KLF8: variants seen among roughly 807,000 people sequenced by gnomAD.
The protein encoded by KLF8 is Krueppel-like factor 8.
KLF8 carries 10 observed loss-of-function variants against 18.2 expected under a neutral mutation model. The ratio of observed to expected loss-of-function variants is 0.55; its 90% confidence interval spans 0.34 to 0.93. KLF8 has a LOEUF of 0.93. KLF8 is among the 40% of genes least tolerant of loss of function. KLF8 has a pLI of 0.02. For missense variants in KLF8, 264 were observed against 277.9 expected (o/e 0.95, Z 0.36); for synonymous variants, 109 against 97.3 (o/e 1.12, Z -0.71).
the KLF8 span, among the ~76,000 whole-genome samples, chrX:55,947,582 A>G: frequency 5.4e-5 from 6 of 110,120 alleles, no homozygotes; most frequent in African/African-American, 2.0e-4. Context: ...GCACATGCAT[A>G]CATATGTAAC....
the KLF8 span, among the ~76,000 whole-genome samples, chrX:56,155,070 A>G: frequency 2.7e-5 from 3 of 111,920 alleles, no homozygotes; most frequent in Non-Finnish European, 5.6e-5. Flanking sequence ...ATCTAGAACT[A>G]GAAATACCAT....
At chrX:56,122,329 A>G in the KLF8 span, among the ~76,000 whole-genome samples, 4 of 112,154 alleles carry the variant, frequency 3.6e-5, no homozygotes, top group Admixed American at 9.5e-5. Flanking sequence ...TCAGCTGAGT[A>G]TCTTTGGATG....
chrX:55,908,138 A>G, the KLF8 span: 1 of 141,169 alleles, frequency 7.1e-6, no homozygotes, highest in Non-Finnish European at 1.4e-5. Context: ...TACCGGAAAC[A>G]AAGTAATGAA....
the KLF8 span, among the ~76,000 whole-genome samples, chrX:56,176,972 C>T: frequency 9.0e-6 from 1 of 111,513 alleles, no homozygotes; most frequent in African/African-American, 3.3e-5. Flanking sequence ...TTAAGGACTT[C>T]TCTGCATTGG....
chrX:56,087,378 A>T, the KLF8 span, among the ~76,000 whole-genome samples: 2 of 110,519 alleles, frequency 1.8e-5, no homozygotes, highest in Non-Finnish European at 3.8e-5. Flanking sequence ...TGCTTTTCTC[A>T]TAATAGTGAG....
At chrX:56,081,044 A>G in the KLF8 span, among the ~76,000 whole-genome samples, 1 of 110,539 alleles carries the variant, frequency 9.0e-6, no homozygotes, top group Admixed American at 9.7e-5. Context: ...CTAGTTATAC[A>G]TTCTTCTAAA....
chrX:56,072,553 A>C, the KLF8 span, among the ~76,000 whole-genome samples: 1 of 111,498 alleles, frequency 9.0e-6, no homozygotes, highest in Admixed American at 9.5e-5. Context: ...TATCTCTACT[A>C]TCTTGGGCGA....
chrX:55,939,786 T>G, the KLF8 span, among the ~76,000 whole-genome samples: 1 of 111,831 alleles, frequency 8.9e-6, no homozygotes, highest in African/African-American at 3.3e-5. Flanking sequence ...AAGAAATGGA[T>G]AAATTCCTCG....
At chrX:56,070,664 TG>T in the KLF8 span, among the ~76,000 whole-genome samples, 1 of 109,701 alleles carries the variant, frequency 9.1e-6, no homozygotes, top group Non-Finnish European at 1.9e-5. Context: ...GCCTGTTGAG[TG>T]GGGGCAAGGG....
the KLF8 span, chrX:55,961,207 C>T: frequency 3.2e-5 from 9 of 284,658 alleles, no homozygotes; most frequent in East Asian, 8.4e-5. Flanking sequence ...TACTGTCCAG[C>T]GTGGCCCTGC....
At chrX:56,034,748 C>CTTTTTTTTTTTTTTTTTTTT in the KLF8 span, among the ~76,000 whole-genome samples, 1 of 53,819 alleles carries the variant, frequency 1.9e-5, no homozygotes, top group African/African-American at 7.3e-5. Flanking sequence ...GAACTTATTT[C>CTTTTTTTTTTTTTTTTTTTT]TTTTTTTTTT....
At chrX:55,932,274 G>A in the KLF8 span, among the ~76,000 whole-genome samples, 1 of 110,064 alleles carries the variant, frequency 9.1e-6, no homozygotes, top group Non-Finnish European at 1.9e-5. Context: ...TTGCATGTGA[G>A]ATGGGACTCC....
intron 1 of KLF8, among the ~76,000 whole-genome samples, chrX:56,248,747 C>T (rs574584115): frequency 1.8e-5 from 2 of 111,671 alleles, no homozygotes; most frequent in East Asian, 5.6e-4. Flanking sequence ...CATCACACCT[C>T]CTTTTCCTGT....
the KLF8 span, among the ~76,000 whole-genome samples, chrX:56,003,517 A>T: frequency 9.0e-6 from 1 of 111,466 alleles, no homozygotes; most frequent in Non-Finnish European, 1.9e-5. Context: ...TGCTTAGCCC[A>T]GTGGGATTGA....
At chrX:55,941,896 G>A in the KLF8 span, among the ~76,000 whole-genome samples, 1 of 111,591 alleles carries the variant, frequency 9.0e-6, no homozygotes, top group South Asian at 3.8e-4. Flanking sequence ...TGGAGAAATA[G>A]GAACACTTTT....
At chrX:55,955,570 T>C in the KLF8 span, among the ~76,000 whole-genome samples, 1 of 111,487 alleles carries the variant, frequency 9.0e-6, no homozygotes, top group Non-Finnish European at 1.9e-5. Flanking sequence ...GGGGTATAAA[T>C]TGAGCAAACA....
At chrX:56,137,520 A>C in the KLF8 span, among the ~76,000 whole-genome samples, 6 of 103,808 alleles carry the variant, frequency 5.8e-5, no homozygotes, top group Non-Finnish European at 7.8e-5. Context: ...AAACCAAACA[A>C]TGCATATTCT....
chrX:55,932,614 C>T, the KLF8 span, among the ~76,000 whole-genome samples: 2 of 111,529 alleles, frequency 1.8e-5, no homozygotes, highest in Admixed American at 1.9e-4. Context: ...TTTTATTTCT[C>T]CTTCACTTAT....
At chrX:55,995,626 C>G in the KLF8 span, among the ~76,000 whole-genome samples, 1 of 111,583 alleles carries the variant, frequency 9.0e-6, no homozygotes, top group Non-Finnish European at 1.9e-5. Flanking sequence ...TTTTATTTCC[C>G]CTAATTTATG....
Sources: allele counts gnomAD v4.1 joint callset (sites outside exome capture counted in the v4.1 genomes callset), GRCh38; gene constraint gnomAD v4.1.1; transcripts MANE v1.5; gene names NCBI Gene and HGNC (gene_info 2026-07-23, HGNC 2026-07-21).